Variants in APC observed in about 807,000 individuals in gnomAD.
APC encodes the protein APC regulator of Wnt signaling pathway.
APC carries 72 observed loss-of-function variants against 247.0 expected under a neutral mutation model. The ratio of observed to expected loss-of-function variants is 0.29; its 90% CI spans 0.24 to 0.35. The LOEUF is 0.35. APC is among the 10% of genes least tolerant of loss of function. APC has a pLI of 1.00. For missense variants in APC, 3,400 were observed against 3,360.7 expected, an observed-to-expected ratio of 1.01 and a Z score of -0.29; for synonymous variants, 1,254 against 1,162.5, an observed-to-expected ratio of 1.08 and a Z score of -1.60.
intron 1 of APC, among the ~76,000 whole-genome samples, chr5:112,738,639 T>C (rs987809997): frequency 6.6e-6 from 1 of 152,222 alleles, no homozygotes; most frequent in African/African-American, 2.4e-5. Context: ...GCAGCAGTGC[T>C]TTTTCTCCCT....
At chr5:112,732,536 C>G (rs1752150060) in intron 1 of APC, among the ~76,000 whole-genome samples, 2 of 152,164 alleles carry the variant, frequency 1.3e-5, no homozygotes, top group Non-Finnish European at 2.9e-5. Context: ...AACAATTGCT[C>G]TACTATTATT....
In APC at chr5:112,775,516, T is replaced by G; in HGVS notation, c.423-113T>G. On this transcript the variant is annotated intron_variant, in intron 4 of 15. Coordinates refer to ENST00000257430, the MANE Select transcript of APC (RefSeq NM_000038.6). ...CAATGTAAATTTTTTGAGTAATTCA[T>G]TATTAGCACTTTAGGTAGAGAAGTT... 6 of 628,528 alleles carry G rather than the reference T, an allele frequency of 9.5e-6. No homozygotes were observed. The South Asian group carries it at 1.3e-4, about 13-fold the overall frequency. 38.9% of individuals were successfully genotyped at this position (628,528 alleles called of 1,614,324 possible).
intron 2 of APC, among the ~76,000 whole-genome samples, chr5:112,763,697 A>G (rs1293227969): frequency 1.3e-5 from 2 of 152,250 alleles, no homozygotes; most frequent in Admixed American, 1.3e-4. Context: ...TTTAAAAAGT[A>G]TGACACAACA....
rs1480895668 is a variant in APC at position 112,844,456 on chromosome 5, G to A, written c.*330G>A. Reference sequence around the variant, plus strand: ...AATGAACACTACAGATAGAAAATATGATATATTGCTGTTATCAATCATTTC... The same window carrying A: ...AATGAACACTACAGATAGAAAATATAATATATTGCTGTTATCAATCATTTC... On this transcript the variant is annotated 3_prime_UTR_variant, in exon 16 of 16. Transcript: ENST00000257430. 3.5e-6 allele frequency: 1 copy of A among 284,598 alleles called. No homozygotes were observed. Among genetic ancestry groups the A allele is most frequent in the East Asian group, 5.5e-5 (1 of 18,334 alleles). The allele number at this position is 284,598 out of a possible 1,614,324, so 17.6% of individuals were successfully genotyped here. A position where few individuals can be genotyped will look rare whatever the true frequency, so the allele number is the denominator to read the frequency against.
At chr5:112,718,490 T>C (rs1751302617) in intron 1 of APC, among the ~76,000 whole-genome samples, 1 of 152,232 alleles carries the variant, frequency 6.6e-6, no homozygotes, top group Admixed American at 6.5e-5. Flanking sequence ...CAATGCTGTT[T>C]TCACTGCAGT....
intron 7 of APC, among the ~76,000 whole-genome samples, chr5:112,793,263 A>G (rs553719871): frequency 6.2e-4 from 94 of 152,204 alleles, no homozygotes; most frequent in Non-Finnish European, 1.0e-3. Flanking sequence ...TTAGGGGTCA[A>G]CCTTGTTTAA....
At chr5:112,760,970 T>G (rs1755587359) in intron 2 of APC, among the ~76,000 whole-genome samples, 1 of 152,106 alleles carries the variant, frequency 6.6e-6, no homozygotes, top group South Asian at 2.1e-4. Context: ...CCACCATGCC[T>G]GGCTAATTTT....
rs757526267 is a variant in APC at position 112,838,470 on chromosome 5, C to A, written c.2876C>A (p.Ser959Tyr). 1 of 1,614,164 alleles carries A rather than the reference C, an allele frequency of 6.2e-7. No homozygotes were observed. The highest frequency in any genetic ancestry group is 1.1e-5 in the South Asian group (1 of 91,078). The stretch of plus-strand genomic sequence containing the variant: ...TATGCCAAATTAGAATACAAGAGAT[C>A]TTCAAATGATAGTTTAAATAGTGTC... The part of the protein sequence containing the change: ...MPYAKLEYKR[S>Y]SNDSLNSVSS... Residue 959 changes from serine (S) to tyrosine (Y), a missense_variant, in exon 16 of 16, where the codon TCT (serine) becomes TAT (tyrosine). Physicochemically the swap from Ser to Tyr is moderately radical, Grantham distance 144. Transcript: ENST00000257430.
chr5:112,836,340 G>C (rs942001479), intron 15 of APC, among the ~76,000 whole-genome samples: 29 of 152,016 alleles, frequency 1.9e-4, no homozygotes, highest in African/African-American at 7.0e-4. Flanking sequence ...CAAAAATATG[G>C]TTGTTTTTTA....
chr5:112,740,621 G>A (rs1319024170), intron 1 of APC, among the ~76,000 whole-genome samples: 1 of 149,300 alleles, frequency 6.7e-6, no homozygotes, highest in Non-Finnish European at 1.5e-5. Context: ...AACCTCGCAG[G>A]CTCAAGTGAT....
At chr5:112,769,405 G>A (rs1361819553) in intron 4 of APC, among the ~76,000 whole-genome samples, 5 of 152,106 alleles carry the variant, frequency 3.3e-5, no homozygotes, top group African/African-American at 1.2e-4. Context: ...ATTGCTTGAT[G>A]TATGGAATGA....
rs77977086 is a variant in APC, at chr5:112,813,665, C to T, written c.835-1830C>T. ...GGGCTCATTGGCTCGTGCCTGTAGT[C>T]CCGGCTACTCTGGAGGCTGAGGTGA... is the stretch of plus-strand genomic sequence containing the variant. On this transcript the variant is annotated intron_variant, in intron 8 of 15. Transcript: ENST00000257430. Among the ~76,000 whole-genome samples, 2 of 151,782 alleles carry T rather than the reference C, an allele frequency of 1.3e-5. No individual in the cohort carries two copies. The highest frequency in any genetic ancestry group is 2.4e-5 in the African/African-American group (1 of 41,306).
rs1554084999 is a variant in APC, at chr5:112,839,023, T to C, written c.3429T>C (p.Tyr1143=). Residue 1143 remains tyrosine (Y), a synonymous_variant, in exon 16 of 16, where the codon TAT becomes TAC. Coordinates refer to ENST00000257430, the MANE Select transcript of APC (RefSeq NM_000038.6). This position sits in a 1 kb window ranked among gnomAD's most constrained non-coding sequence, Gnocchi z 5.0. ...ATGAAGATGATAAGCCTACCAATTA[T>C]AGTGAACGTTACTCTGAAGAAGAAC... ...DDYEDDKPTN[Y]SERYSEEEQH... 16 of 1,614,140 alleles carry C rather than the reference T, an allele frequency of 9.9e-6. No homozygotes were observed. Among genetic ancestry groups the C allele is most frequent in the East Asian group, 2.2e-5 (1 of 44,866 alleles).
intron 1 of APC, among the ~76,000 whole-genome samples, chr5:112,745,323 A>G (rs943566187): frequency 6.6e-6 from 1 of 152,056 alleles, no homozygotes; most frequent in African/African-American, 2.4e-5. Flanking sequence ...ATACCTAACA[A>G]TTGAGACAGA....
intron 2 of APC, among the ~76,000 whole-genome samples, chr5:112,765,956 G>A (rs1208040193): frequency 6.6e-6 from 1 of 152,194 alleles, no homozygotes; most frequent in Admixed American, 6.5e-5. Context: ...GCACGCTTAA[G>A]AGACATGGAT....
intron 6 of APC, 128 bp from the exon 7 acceptor site, chr5:112,792,318 A>ATGTCTAGCTTTT (rs1054052634): frequency 2.3e-5 from 14 of 605,680 alleles, no homozygotes; most frequent in Non-Finnish European, 3.7e-5. Context: ...ATATATTTAT[A>ATGTCTAGCTTTT]TGTCTAGCTT....
intron 2 of APC, among the ~76,000 whole-genome samples, chr5:112,764,012 C>T (rs976115689): frequency 2.7e-5 from 4 of 149,894 alleles, no homozygotes; most frequent in Admixed American, 6.7e-5. Flanking sequence ...CTGACGCGGG[C>T]GGATGGTGAT....
intron 6 of APC, among the ~76,000 whole-genome samples, chr5:112,790,572 A>G (rs763062019): frequency 1.5e-4 from 23 of 152,070 alleles, no homozygotes; most frequent in Admixed American, 1.4e-3. Context: ...CTAGTGATCC[A>G]TCTGCCTCGG....
rs781693283 is a variant in APC at position 112,837,790 on chromosome 5, T to C, written c.2196T>C (p.Asn732=). Residue 732 remains asparagine, a synonymous_variant, in exon 16 of 16, where the codon AAT becomes AAC. Coordinates refer to ENST00000257430, the MANE Select transcript of APC (RefSeq NM_000038.6). ...CAGCTTTAAGGAATCTCATGGCAAA[T>C]AGGCCTGCGAAGTACAAGGATGCCA... The part of the protein sequence containing the change: ...SAAALRNLMA[N]RPAKYKDANI... The C allele has an allele frequency of 3.7e-6, 6 of 1,614,046 alleles. No homozygotes were observed. The highest frequency in any genetic ancestry group is 5.1e-6 in the Non-Finnish European group (6 of 1,180,024).
Sources: gnomAD v4.1 joint callset for allele counts (sites outside exome capture counted in the v4.1 genomes callset) on GRCh38, gnomAD v4.1.1 for gene constraint, Gnocchi (gnomAD v3.1) non-coding constraint, MANE v1.5 for transcripts, NCBI Gene and HGNC (gene_info 2026-07-23, HGNC 2026-07-21) for gene names.